Variants in TBCB observed in about 807,000 individuals in gnomAD.
TBCB encodes the protein tubulin-folding cofactor B.
TBCB carries 18 observed loss-of-function variants against 29.2 expected under a neutral mutation model. That is an observed-to-expected ratio of 0.62 (90% CI 0.43 to 0.91). TBCB has a LOEUF of 0.91. Ranked by LOEUF, TBCB falls within the 40% of genes least tolerant of loss-of-function variation. TBCB has a pLI of 0.00. For synonymous variants in TBCB, 172 were observed against 137.8 expected (o/e 1.25, Z -1.74); for missense variants, 336 against 337.6 (o/e 1.00, Z 0.04).
intron 2 of TBCB, chr19:36,118,390 A>C (rs912704883): frequency 6.6e-6 from 1 of 152,270 alleles, no homozygotes; most frequent in Non-Finnish European, 1.5e-5. Context: ...GCTGGAGCAG[A>C]GACGAGAAGA....
At chr19:36,118,564 T>G (rs1356325691) in intron 2 of TBCB, 1 of 151,402 alleles carries the variant, frequency 6.6e-6, no homozygotes, top group African/African-American at 2.4e-5. Context: ...CCTGTAATCC[T>G]AGCTACTCAG....
At chr19:36,119,646 C>T (rs1284264607) in intron 2 of TBCB, among the ~76,000 whole-genome samples, 1 of 152,140 alleles carries the variant, frequency 6.6e-6, no homozygotes, top group Non-Finnish European at 1.5e-5. Context: ...CCACCCAGTA[C>T]ATTGGGAGGC....
At position 36,115,787 on chromosome 19, in the gene TBCB, C is replaced by T. The variant is rs1568381133; in HGVS notation, c.114+113C>T. On this transcript the variant is annotated intron_variant, in intron 1 of 5. Coordinates refer to ENST00000221855, the MANE Select transcript of TBCB (RefSeq NM_001281.3). ...GACTGGGCGGGCCCGGAGGTGATCC[C>T]AGGCTGCGGAGGCTGGGGACCCGGT... 7 of 1,196,196 alleles carry T rather than the reference C, an allele frequency of 5.9e-6. No individual in the cohort carries two copies. In the African/African-American group the frequency reaches 9.1e-5, roughly 16 times the overall value. The allele number at this position is 1,196,196 out of a possible 1,614,324, so 74.1% of individuals were successfully genotyped here. A position where few individuals can be genotyped will look rare whatever the true frequency, so the allele number is the denominator to read the frequency against.
chr19:36,125,035 T>C (rs1974114220), intron 4 of TBCB, among the ~76,000 whole-genome samples: 1 of 152,294 alleles, frequency 6.6e-6, no homozygotes, highest in Non-Finnish European at 1.5e-5. Context: ...AGTTGTGTAT[T>C]AGTTTGCTAA....
At chr19:36,122,132 A>C (rs1974065404) in intron 4 of TBCB, 1 of 282,624 alleles carries the variant, frequency 3.5e-6, no homozygotes, top group Non-Finnish European at 6.9e-6. Context: ...AGCCAGGTGA[A>C]AAGGGAGGAA....
At chr19:36,120,860 G>A (rs1974036062) in intron 3 of TBCB, 54 bp downstream of exon 3, 1 of 1,573,066 alleles carries the variant, frequency 6.4e-7, no homozygotes, top group Non-Finnish European at 8.7e-7. Flanking sequence ...AGTATGTGCA[G>A]GTATGAGGGC....
intron 4 of TBCB, among the ~76,000 whole-genome samples, chr19:36,123,412 C>T (rs1974089734): frequency 6.6e-6 from 1 of 152,152 alleles, no homozygotes; most frequent in African/African-American, 2.4e-5. Context: ...AGGTACTCAT[C>T]ACCACCCCCG....
chr19:36,123,377 C>G (rs1306222225), intron 4 of TBCB, among the ~76,000 whole-genome samples: 1 of 151,908 alleles, frequency 6.6e-6, no homozygotes, highest in Non-Finnish European at 1.5e-5. Context: ...CCTCCCACCT[C>G]GGCCTCCTGA....
Position 36,116,200 on chromosome 19 carries a change from C to T in TBCB, c.258+16C>T. On this transcript the variant is annotated intron_variant, in intron 2 of 5. Transcript: ENST00000221855. The stretch of plus-strand genomic sequence containing the variant: ...CCGCATCCACGTGAGGACTCTCTAT[C>T]TGGGACACTCCCCCACCCCACCTTT... 1 of 1,611,832 alleles carries T rather than the reference C, an allele frequency of 6.2e-7. No homozygotes were observed. The highest frequency in any genetic ancestry group is 1.1e-5 in the South Asian group (1 of 90,980).
Position 36,125,727 on chromosome 19 carries a change from C to T in TBCB, c.680C>T (p.Ala227Val). Reference protein sequence around the residue: ...QAKYGAFVKPAVVTVGDFPEE... With the variant: ...QAKYGAFVKPVVVTVGDFPEE... ...AAGTATGGCGCCTTTGTCAAGCCAGCAGTCGTGACGGTGGGGGACTTCCCG... is the reference window on the plus strand; with the variant it reads ...AAGTATGGCGCCTTTGTCAAGCCAGTAGTCGTGACGGTGGGGGACTTCCCG... The change falls in exon 6 of 6, where the codon GCA (alanine) becomes GTA (valine). Residue 227 changes from alanine to valine, a missense_variant. Ala to Val is a moderately conservative substitution (Grantham distance 64). Coordinates refer to ENST00000221855, the MANE Select transcript of TBCB (RefSeq NM_001281.3). The T allele has an allele frequency of 2.5e-6, 4 of 1,578,120 alleles. No individual in the cohort carries two copies. The highest frequency in any genetic ancestry group is 2.6e-6 in the Non-Finnish European group (3 of 1,161,704).
chr19:36,120,349 T>G, intron 2 of TBCB: 2 of 232,628 alleles, frequency 8.6e-6, no homozygotes, highest in Non-Finnish European at 8.7e-6. Flanking sequence ...GGGGCCAGCT[T>G]AGGAGAGTCC....
chr19:36,125,619 A>G, intron 5 of TBCB, 49 bp from the exon 6 acceptor site: 1 of 1,607,832 alleles, frequency 6.2e-7, no homozygotes, highest in Non-Finnish European at 8.5e-7. Context: ...TCTAGAGTGG[A>G]GCCATGTGAG....
intron 5 of TBCB, 51 bp from the exon 6 acceptor site, chr19:36,125,617 G>A: frequency 1.2e-6 from 2 of 1,607,964 alleles, no homozygotes; most frequent in Non-Finnish European, 1.7e-6. Flanking sequence ...CTTCTAGAGT[G>A]GAGCCATGTG....
chr19:36,120,358 C>A, intron 2 of TBCB: 1 of 251,136 alleles, frequency 4.0e-6, no homozygotes, highest in South Asian at 5.3e-5. Flanking sequence ...TTAGGAGAGT[C>A]CCAGAGGCCC....
Position 36,121,697 on chromosome 19 carries a change from C to A in TBCB, c.526C>A (p.Arg176=). 6.4e-7 allele frequency: 1 copy of A among 1,552,736 alleles called. No individual in the cohort carries two copies. Among genetic ancestry groups the A allele is most frequent in the Non-Finnish European group, 8.7e-7 (1 of 1,149,370 alleles). The change falls in exon 4 of 6, where the codon CGG becomes AGG. Residue 176 remains arginine, a synonymous_variant. Coordinates refer to ENST00000221855, the MANE Select transcript of TBCB (RefSeq NM_001281.3). ...GCGGGCGGCGGGACAATCCCCTCGC[C>A]GGGGCACCGTCATGTATGTAGGTGC... ...EVRAAGQSPR[R]GTVMYVGLTD... is the part of the protein sequence containing the mutation.
chr19:36,124,596 G>A (rs1974107145), intron 4 of TBCB, among the ~76,000 whole-genome samples: 2 of 151,040 alleles, frequency 1.3e-5, no homozygotes, highest in Admixed American at 1.3e-4. Context: ...CTGGAATACA[G>A]TGGCATGATC....
chr19:36,115,471 G>C lies in TBCB; in HGVS notation c.-90G>C. ...CAGGCACGGAGCAGGAGGCGGGGCTGATAGCCCAGCAGCAGCAGCGGCGGC... is the reference window on the plus strand; with the variant it reads ...CAGGCACGGAGCAGGAGGCGGGGCTCATAGCCCAGCAGCAGCAGCGGCGGC... On this transcript the variant is annotated 5_prime_UTR_variant, in exon 1 of 6. Transcript: ENST00000221855. 2.0e-6 allele frequency: 2 copies of C among 1,003,002 alleles called. No homozygotes were observed. The highest frequency in any genetic ancestry group is 3.0e-6 in the Non-Finnish European group (2 of 666,136). The allele number at this position is 1,003,002 out of a possible 1,614,324, so 62.1% of individuals were successfully genotyped here.
rs779547563 is a variant in TBCB at position 36,116,164 on chromosome 19, G to C, written c.238G>C (p.Asp80His). 5.0e-6 allele frequency: 8 copies of C among 1,614,146 alleles called. No individual in the cohort carries two copies. In the East Asian group the frequency reaches 1.3e-4, roughly 27 times the overall value. ...EDALLGSYPV[D>H]DGCRIHVIDH... ...TGCGCTCCTGGGCTCCTACCCTGTA[G>C]ATGACGGCTGCCGCATCCACGTGAG... is the stretch of plus-strand genomic sequence containing the variant. The change falls in exon 2 of 6, where the codon GAT becomes CAT. Residue 80 changes from aspartate (D) to histidine (H), a missense_variant. By Grantham distance (81) the Asp-to-His change is moderately conservative. Transcript: ENST00000221855.
chr19:36,118,363 A>T (rs1973990718), intron 2 of TBCB, among the ~76,000 whole-genome samples: 1 of 152,134 alleles, frequency 6.6e-6, no homozygotes, highest in Admixed American at 6.6e-5. Context: ...CTGGGAGGAC[A>T]TCCTGGAGGT....
Sources: gnomAD v4.1 joint callset for allele counts (sites outside exome capture counted in the v4.1 genomes callset) on GRCh38, gnomAD v4.1.1 for gene constraint, MANE v1.5 for transcripts, NCBI Gene and HGNC (gene_info 2026-07-23, HGNC 2026-07-21) for gene names.